The following CLDN16 variants were observed in gnomAD, a reference collection of about 807,000 sequenced individuals.
CLDN16 encodes claudin-16.
CLDN16 carries 13 observed loss-of-function variants against 24.6 expected under a neutral mutation model. The observed-to-expected ratio is 0.53, with a 90% CI of 0.34 to 0.84. CLDN16 has a LOEUF of 0.84. Ranked by LOEUF, CLDN16 falls within the 40% of genes least tolerant of loss-of-function variation. The pLI is 0.01. For synonymous variants in CLDN16, 116 were observed against 106.7 expected, an observed-to-expected ratio of 1.09 and a Z score of -0.54; for missense variants, 298 against 292.7, an observed-to-expected ratio of 1.02 and a Z score of -0.13.
At position 190,388,382 on chromosome 3, in the gene CLDN16, G is replaced by A. The variant is rs1181105329; in HGVS notation, c.53G>A (p.Gly18Glu). 9.3e-6 allele frequency: 15 copies of A among 1,613,882 alleles called. No homozygotes were observed. The highest frequency in any genetic ancestry group is 1.3e-5 in the Non-Finnish European group (15 of 1,179,998). ...IACFFAFFSA[G>E]FLIVATWTDC... ...TGCTTCTTTGCCTTTTTCTCTGCTG[G>A]GTTTTTGATTGTGGCCACCTGGACT... The change falls in exon 1 of 5, where the codon GGG becomes GAG. Residue 18 changes from glycine (G) to glutamate (E), a missense_variant. Physicochemically the swap from Gly to Glu is moderately conservative, Grantham distance 98 (BLOSUM62 -2). Coordinates refer to ENST00000264734, the MANE Select transcript of CLDN16 (RefSeq NM_006580.4).
intron 1 of CLDN16, among the ~76,000 whole-genome samples, chr3:190,364,366 C>A (rs975318252): frequency 2.0e-5 from 3 of 151,902 alleles, no homozygotes; most frequent in Non-Finnish European, 2.9e-5. Flanking sequence ...CCTGGATGTA[C>A]CTCTTCTAAC....
At chr3:190,385,981 C>G (rs767006613), upstream of CLDN16, among the ~76,000 whole-genome samples, 47 of 152,096 alleles carry the variant, frequency 3.1e-4, no homozygotes, top group Non-Finnish European at 6.2e-4. Context: ...TAACAAGTGG[C>G]CTTACAGAGT....
At position 190,410,139 on chromosome 3, in the gene CLDN16, T is replaced by G. The variant is rs766995290; in HGVS notation, c.*103T>G. 9.3e-5 allele frequency: 120 copies of G among 1,287,860 alleles called. No individual in the cohort carries two copies. Among genetic ancestry groups the G allele is most frequent in the Non-Finnish European group, 1.2e-4 (108 of 887,624 alleles). 79.8% of individuals were successfully genotyped at this position (1,287,860 alleles called of 1,614,324 possible). A position where few individuals can be genotyped will look rare whatever the true frequency, so the allele number is the denominator to read the frequency against. On this transcript the variant is annotated 3_prime_UTR_variant, in exon 5 of 5. Coordinates refer to ENST00000264734, the MANE Select transcript of CLDN16 (RefSeq NM_006580.4). ...AGGAACAGTTATTTAGAATTCATAT[T>G]GAATTAAATTAATTGCTAGCTTAAT... is the stretch of plus-strand genomic sequence containing the variant.
At chr3:190,351,632 G>A (rs947769163) in intron 1 of CLDN16, among the ~76,000 whole-genome samples, 3 of 151,966 alleles carry the variant, frequency 2.0e-5, no homozygotes, top group Admixed American at 6.6e-5. Context: ...TACTTTTTAA[G>A]GTTTTTATTT....
chr3:190,293,197 A>T, the CLDN16 span, among the ~76,000 whole-genome samples: 1 of 152,340 alleles, frequency 6.6e-6, no homozygotes, highest in South Asian at 2.1e-4. Flanking sequence ...GAATGTGTGA[A>T]GGAAGTGAAG....
chr3:190,399,310 C>T (rs1718900246), intron 1 of CLDN16, among the ~76,000 whole-genome samples: 1 of 151,792 alleles, frequency 6.6e-6, no homozygotes, highest in Non-Finnish European at 1.5e-5. Context: ...TCGAGATCAG[C>T]CTGACCAACA....
chr3:190,355,714 G>T (rs1307747765), intron 1 of CLDN16, among the ~76,000 whole-genome samples: 1 of 151,754 alleles, frequency 6.6e-6, no homozygotes, highest in East Asian at 1.9e-4. Context: ...GCATTTTAAT[G>T]GAATATTCAC....
chr3:190,380,505 G>C (rs116604495), intron 3 of CLDN16, among the ~76,000 whole-genome samples: 5,557 of 152,096 alleles, frequency 0.037, 147 homozygotes, highest in South Asian at 0.064. Flanking sequence ...AGAAGAAATT[G>C]CATAAATATG....
chr3:190,344,590 T>G lies in CLDN16; in HGVS notation n.121+21929T>G, dbSNP rs534350978. On this transcript the variant is annotated intron_variant and non_coding_transcript_variant, in intron 1 of 4. Coordinates refer to the CLDN16 transcript ENST00000468220. ...AAATATATTAAATGTTAAAATTATA[T>G]ATGTATGTATACTTTTAGTCGACAC... Among the ~76,000 whole-genome samples the G allele has an allele frequency of 8.5e-5, 13 of 152,100 alleles. No homozygotes were observed. The South Asian group carries it at 1.7e-3, about 19-fold the overall frequency.
chr3:190,399,021 G>A (rs17504970), intron 1 of CLDN16, among the ~76,000 whole-genome samples: 1 of 152,022 alleles, frequency 6.6e-6, no homozygotes, highest in African/African-American at 2.4e-5. Flanking sequence ...TACACAGGAT[G>A]AGATAATCCT....
the CLDN16 span, among the ~76,000 whole-genome samples, chr3:190,297,373 C>G: frequency 2.0e-5 from 3 of 149,764 alleles, no homozygotes; most frequent in Non-Finnish European, 3.0e-5. Flanking sequence ...AGGACTCTAC[C>G]CAAATGTGTG....
At chr3:190,307,132 A>G in the CLDN16 span, 1 of 152,654 alleles carries the variant, frequency 6.6e-6, no homozygotes, top group Non-Finnish European at 1.5e-5. Context: ...CATTATCTCA[A>G]TTTGGCAGAT....
intron 1 of CLDN16, among the ~76,000 whole-genome samples, chr3:190,355,246 C>T (rs1170560656): frequency 2.0e-5 from 3 of 151,834 alleles, no homozygotes; most frequent in Non-Finnish European, 4.4e-5. Flanking sequence ...GACTAAGAAT[C>T]ATTTGTTTTT....
the CLDN16 span, among the ~76,000 whole-genome samples, chr3:190,291,276 A>C: frequency 6.6e-6 from 1 of 152,306 alleles, no homozygotes; most frequent in Middle Eastern, 3.4e-3. Context: ...TCATACTACT[A>C]TAAAGAACTC....
intron 3 of CLDN16, among the ~76,000 whole-genome samples, chr3:190,380,142 T>TCCTTCCTTCCTTCCTTCCTC (rs1553806942): frequency 1.1e-4 from 1 of 9,322 alleles, no homozygotes; most frequent in African/African-American, 5.9e-4. Flanking sequence ...CTTCCTTCCT[T>TCCTTCCTTCCTTCCTTCCTC]TTCTTCCTTC....
At chr3:190,346,240 A>G (rs1437249854) in intron 1 of CLDN16, among the ~76,000 whole-genome samples, 1 of 152,178 alleles carries the variant, frequency 6.6e-6, no homozygotes, top group South Asian at 2.1e-4. Flanking sequence ...ATAAAAATTC[A>G]AAAGAAGTTC....
upstream of CLDN16, among the ~76,000 whole-genome samples, chr3:190,321,507 C>A (rs1457232589): frequency 1.3e-5 from 2 of 152,150 alleles, no homozygotes; most frequent in Non-Finnish European, 2.9e-5. Context: ...ATGAAAAAAT[C>A]ATATTAAAGG....
At chr3:190,390,750 A>G (rs535517160) in intron 1 of CLDN16, among the ~76,000 whole-genome samples, 10 of 152,242 alleles carry the variant, frequency 6.6e-5, no homozygotes, top group Admixed American at 6.5e-4. Flanking sequence ...TCATTTATAT[A>G]TCACCTTTGG....
At position 190,377,605 on chromosome 3, in the gene CLDN16, T is replaced by C. The variant is rs75371807; in HGVS notation, n.306+3002T>C. Among the ~76,000 whole-genome samples, 583 of 152,172 alleles carry C rather than the reference T, an allele frequency of 3.8e-3. 5 individuals carry two copies. Among genetic ancestry groups the C allele is most frequent in the African/African-American group, 0.013 (558 of 41,556 alleles). ...CAGTTACTGGTTTGTATTCAATGTA[T>C]GTTATTAATCACTATGAAAAGCTCT... On this transcript the variant is annotated intron_variant and non_coding_transcript_variant, in intron 3 of 4. Transcript: ENST00000468220.
Sources: allele counts gnomAD v4.1 joint callset (sites outside exome capture counted in the v4.1 genomes callset), GRCh38; gene constraint gnomAD v4.1.1; transcripts MANE v1.5; gene names NCBI Gene and HGNC (gene_info 2026-07-23, HGNC 2026-07-21).